DIPK2A: variants seen among roughly 807,000 people sequenced by gnomAD.
DIPK2A encodes the protein divergent protein kinase domain 2A, also known as Golgi Protein of 49 kDa.
A neutral mutation model predicts 39.0 loss-of-function variants in DIPK2A; 27 were observed. That is an observed-to-expected ratio of 0.69 (90% CI 0.51 to 0.96). The LOEUF is 0.96. DIPK2A is among the 40% of genes least tolerant of loss of function. The pLI is 0.00. For missense variants in DIPK2A, 528 were observed against 571.3 expected, an observed-to-expected ratio of 0.92 and a Z score of 0.77; for synonymous variants, 298 against 240.8, an observed-to-expected ratio of 1.24 and a Z score of -2.20.
intron 2 of DIPK2A, among the ~76,000 whole-genome samples, chr3:143,986,720 C>G (rs1395726333): frequency 4.4e-5 from 5 of 112,886 alleles, no homozygotes; most frequent in Non-Finnish European, 8.3e-5. Flanking sequence ...GAGACTCCGT[C>G]TCAAAAAAAA....
At chr3:143,974,154 A>G (rs1337690548) in intron 1 of DIPK2A, among the ~76,000 whole-genome samples, 1 of 151,458 alleles carries the variant, frequency 6.6e-6, no homozygotes, top group East Asian at 1.9e-4. Flanking sequence ...AAATGCATGA[A>G]TAGGAAAGTG....
intron 1 of DIPK2A, among the ~76,000 whole-genome samples, chr3:143,982,917 A>C (rs1038374017): frequency 2.0e-5 from 3 of 152,152 alleles, no homozygotes; most frequent in African/African-American, 7.2e-5. Flanking sequence ...ACACAAAAAA[A>C]ACAAAAGGGG....
intron 1 of DIPK2A, among the ~76,000 whole-genome samples, chr3:143,980,079 G>C (rs1051176944): frequency 6.6e-6 from 1 of 152,066 alleles, no homozygotes; most frequent in African/African-American, 2.4e-5. Context: ...AATCATCCCC[G>C]TAATTTTACT....
chr3:143,974,557 A>C (rs2087703681), intron 1 of DIPK2A, among the ~76,000 whole-genome samples: 1 of 152,224 alleles, frequency 6.6e-6, no homozygotes, highest in Admixed American at 6.5e-5. Context: ...TGTTTGTATT[A>C]GCAAGGTTGG....
At chr3:143,989,483 C>T (rs1398431560) in intron 2 of DIPK2A, 27 bp from the exon 3 acceptor site, 8 of 1,524,010 alleles carry the variant, frequency 5.2e-6, no homozygotes, top group South Asian at 5.0e-5. Flanking sequence ...AAATTTTTTT[C>T]TACTTCTGCT....
In DIPK2A at chr3:143,972,985, T is replaced by C; in HGVS notation, c.653T>C (p.Leu218Pro). 3 of 1,582,794 alleles carry C rather than the reference T, an allele frequency of 1.9e-6. No homozygotes were observed. Among genetic ancestry groups the C allele is most frequent in the Non-Finnish European group, 1.7e-6 (2 of 1,167,470 alleles). Residue 218 changes from leucine to proline, a missense_variant, in exon 1 of 3, where the codon CTA becomes CCA. Leu to Pro is a moderately conservative substitution (Grantham distance 98). Transcript: ENST00000315691. ...GCCTTCAACCCCGAGCCGCTGGTGC[T>C]ACAGGTAGGCGCGGAGCCAGGGCAG... The part of the protein sequence containing the change: ...TLAFNPEPLV[L>P]QSFPSDEGWP...
rs1287478136 is a variant in DIPK2A, at chr3:143,985,716, T to C, written c.831T>C (p.Asn277=). 1.9e-6 allele frequency: 3 copies of C among 1,614,108 alleles called. No individual in the cohort carries two copies. The highest frequency in any genetic ancestry group is 2.5e-6 in the Non-Finnish European group (3 of 1,180,032). Residue 277 remains asparagine, a synonymous_variant, in exon 2 of 3, where the codon AAT becomes AAC. Transcript: ENST00000315691. ...LMEIAEQLTN[N]DFEFALYLLD... ...AAATAGCAGAACAGCTTACAAACAA[T>C]GACTTTGAATTTGCACTCTACCTCC...
chr3:143,977,449 T>TAC (rs1487928464), intron 1 of DIPK2A, among the ~76,000 whole-genome samples: 1 of 152,072 alleles, frequency 6.6e-6, no homozygotes, highest in Non-Finnish European at 1.5e-5. Context: ...CCCAAATTTT[T>TAC]ACACACATGA....
In DIPK2A at chr3:143,980,078, C is replaced by T. The variant is rs192995739; in HGVS notation, c.658-5465C>T. Among the ~76,000 whole-genome samples the T allele has an allele frequency of 2.7e-3, 417 of 152,206 alleles. 1 individual carries two copies. Among genetic ancestry groups the T allele is most frequent in the Non-Finnish European group, 5.1e-3 (344 of 68,006 alleles). ...AATTCAGTAACCATTAAATCATCCC[C>T]GTAATTTTACTATATCTCCCCTCCA... On this transcript the variant is annotated intron_variant, in intron 1 of 2. Coordinates refer to ENST00000315691, the MANE Select transcript of DIPK2A (RefSeq NM_173552.5).
At chr3:143,984,783 G>T (rs977000035) in intron 1 of DIPK2A, among the ~76,000 whole-genome samples, 2 of 152,100 alleles carry the variant, frequency 1.3e-5, no homozygotes, top group South Asian at 4.1e-4. Flanking sequence ...AGGCCAAGGA[G>T]AACAGAAAAT....
chr3:143,976,584 G>GAGAGAGAGAGAGAGAGAGAGAGAGAGAA (rs3083098), intron 1 of DIPK2A, among the ~76,000 whole-genome samples: 53 of 139,586 alleles, frequency 3.8e-4, no homozygotes, highest in Non-Finnish European at 4.9e-4. Context: ...GAGAGAGAGA[G>GAGAGAGAGAGAGAGAGAGAGAGAGAGAA]ATGCTGTCTG....
intron 1 of DIPK2A, 48 bp downstream of exon 1, chr3:143,973,037 G>A: frequency 6.5e-7 from 1 of 1,530,808 alleles, no homozygotes; most frequent in Non-Finnish European, 8.8e-7. Context: ...GGCCGCGCGT[G>A]GGAATCAGAG....
intron 1 of DIPK2A, among the ~76,000 whole-genome samples, chr3:143,975,543 A>G (rs1335570529): frequency 1.3e-5 from 2 of 152,084 alleles, no homozygotes; most frequent in Non-Finnish European, 2.9e-5. Flanking sequence ...TCAAACCATG[A>G]TGTTCATTAC....
chr3:143,989,931 A>C lies in DIPK2A; in HGVS notation c.*90A>C. On this transcript the variant is annotated 3_prime_UTR_variant, in exon 3 of 3. Transcript: ENST00000315691. ...AACGATCTGAAAAAATGAAATTTGGAAGTGTTACATTCAGAGGATGATAAA... is the reference window on the plus strand; with the variant it reads ...AACGATCTGAAAAAATGAAATTTGGCAGTGTTACATTCAGAGGATGATAAA... The C allele has an allele frequency of 3.1e-6, 3 of 961,438 alleles. No homozygotes were observed. The highest frequency in any genetic ancestry group is 3.4e-5 in the South Asian group (2 of 59,224). The allele number at this position is 961,438 out of a possible 1,614,324, so 59.6% of individuals were successfully genotyped here. A position where few individuals can be genotyped will look rare whatever the true frequency, so the allele number is the denominator to read the frequency against.
intron 1 of DIPK2A, among the ~76,000 whole-genome samples, chr3:143,983,480 G>C (rs946044598): frequency 1.3e-5 from 2 of 152,098 alleles, no homozygotes; most frequent in East Asian, 1.9e-4. Context: ...TAAAATTAAG[G>C]CAGAAGTAAA....
At position 143,972,757 on chromosome 3, in the gene DIPK2A, C is replaced by T. The variant is rs200351965; in HGVS notation, c.425C>T (p.Pro142Leu). Reference sequence around the variant, plus strand: ...CGCTGCGACCTGCTGCAGGCCATGCCCCGGACCGAGTTCGCGCGCCTCAAC... The same window carrying T: ...CGCTGCGACCTGCTGCAGGCCATGCTCCGGACCGAGTTCGCGCGCCTCAAC... ...RPRCDLLQAM[P>L]RTEFARLNGD... The change falls in exon 1 of 3, where the codon CCC (proline) becomes CTC (leucine). Residue 142 changes from proline (P) to leucine (L), a missense_variant. Coordinates refer to ENST00000315691, the MANE Select transcript of DIPK2A (RefSeq NM_173552.5). 109 of 1,577,370 alleles carry T rather than the reference C, an allele frequency of 6.9e-5. No individual in the cohort carries two copies. The African/African-American group carries it at 1.3e-3, about 19-fold the overall frequency.
chr3:143,978,682 C>A lies in DIPK2A; in HGVS notation c.657+5693C>A, dbSNP rs200489286. Among the ~76,000 whole-genome samples, 323 of 55,928 alleles carry A rather than the reference C, an allele frequency of 5.8e-3. 3 individuals carry two copies. The highest frequency in any genetic ancestry group is 0.033 in the East Asian group (61 of 1,876). The allele number at this position is 55,928 out of a possible 152,430, so 36.7% of individuals were successfully genotyped here. A position where few individuals can be genotyped will look rare whatever the true frequency, so the allele number is the denominator to read the frequency against. The stretch of plus-strand genomic sequence containing the variant: ...TATCTATATATAGATATATATATAT[C>A]TATATATATATATATATATACTGTC... On this transcript the variant is annotated intron_variant, in intron 1 of 2. Transcript: ENST00000315691.
At chr3:143,976,584 G>GAGAGAGAGAGAGAGAGAGAGAGAGA (rs3083098) in intron 1 of DIPK2A, among the ~76,000 whole-genome samples, 8 of 139,512 alleles carry the variant, frequency 5.7e-5, no homozygotes, top group Non-Finnish European at 9.2e-5. Context: ...GAGAGAGAGA[G>GAGAGAGAGAGAGAGAGAGAGAGAGA]ATGCTGTCTG....
chr3:143,972,687 G>T lies in DIPK2A; in HGVS notation c.355G>T (p.Ala119Ser). 6.2e-7 allele frequency: 1 copy of T among 1,607,650 alleles called. No individual in the cohort carries two copies. Among genetic ancestry groups the T allele is most frequent in the Admixed American group, 1.7e-5 (1 of 59,742 alleles). ...LKRLGSQREL[A>S]QLDQSICKRA... ...GCGCCTCGGCTCGCAGCGCGAGCTG[G>T]CGCAGCTCGACCAGAGCATCTGCAA... Residue 119 changes from alanine to serine, a missense_variant, in exon 1 of 3, where the codon GCG becomes TCG. Physicochemically the swap from Ala to Ser is moderately conservative, Grantham distance 99. Transcript: ENST00000315691.
Sources: gnomAD v4.1 joint callset for allele counts (sites outside exome capture counted in the v4.1 genomes callset) on GRCh38, gnomAD v4.1.1 for gene constraint, MANE v1.5 for transcripts, NCBI Gene and HGNC (gene_info 2026-07-23, HGNC 2026-07-21) for gene names.